POLA1: variants seen among roughly 807,000 people sequenced by gnomAD.
POLA1 encodes DNA polymerase alpha 1, catalytic subunit, also known as DNA polymerase alpha catalytic subunit.
Under a neutral mutation model 124.0 loss-of-function variants are expected in POLA1, and 15 were observed. That is an observed-to-expected ratio of 0.12 (90% confidence interval 0.08 to 0.19). POLA1 has a LOEUF of 0.19. POLA1 is among the 10% of genes least tolerant of loss of function. POLA1 has a pLI of 1.00. For synonymous variants in POLA1, 408 were observed against 389.4 expected (o/e 1.05, Z -0.56); for missense variants, 886 against 1,103.4 (o/e 0.80, Z 2.79).
At chrX:24,861,226 C>CA (rs1390383693) in intron 34 of POLA1, among the ~76,000 whole-genome samples, 1 of 112,162 alleles carries the variant, frequency 8.9e-6, no homozygotes, top group Non-Finnish European at 1.9e-5. Context: ...TCTGCCTCCC[C>CA]AGCTCAAGCG....
At chrX:24,788,877 C>G in intron 26 of POLA1, 1 of 1,200,970 alleles carries the variant, frequency 8.3e-7, no homozygotes, top group Non-Finnish European at 1.1e-6. Context: ...CTGGCCTTTT[C>G]CTTTTCGTAA....
intron 35 of POLA1, among the ~76,000 whole-genome samples, chrX:24,922,819 C>T (rs1406533680): frequency 2.7e-5 from 3 of 111,997 alleles, no homozygotes; most frequent in Admixed American, 9.5e-5. Context: ...CATCAATAAA[C>T]ATTTCTAGAC....
At chrX:24,788,111 AT>A (rs1266515769) in intron 26 of POLA1, among the ~76,000 whole-genome samples, 3 of 112,314 alleles carry the variant, frequency 2.7e-5, no homozygotes, top group Non-Finnish European at 5.6e-5. Context: ...AAAGATAAAA[AT>A]CATATGATAA....
chrX:24,796,006 A>C (rs2045599250), intron 26 of POLA1, among the ~76,000 whole-genome samples: 1 of 111,785 alleles, frequency 8.9e-6, no homozygotes, highest in Non-Finnish European at 1.9e-5. Context: ...TTATTGAATA[A>C]GTATAAATGG....
In POLA1 at chrX:24,922,128, T is replaced by C. The variant is rs1026931047; in HGVS notation, c.4165-8325T>C. 1.5e-4 allele frequency among the ~76,000 whole-genome samples: 17 copies of C among 110,991 alleles called. No homozygotes were observed. In the East Asian group the frequency reaches 2.2e-3, roughly 15 times the overall value. ...TGTTTGTGTCACCCACATTGGAGTA[T>C]AGTGGCGTGAACATAGCTCACTGCA... On this transcript the variant is annotated intron_variant, in intron 35 of 36. Transcript: ENST00000379068.
At chrX:24,885,644 C>T (rs762481166) in intron 34 of POLA1, among the ~76,000 whole-genome samples, 1 of 111,172 alleles carries the variant, frequency 9.0e-6, no homozygotes, top group Non-Finnish European at 1.9e-5. Flanking sequence ...AAGCAGTCAG[C>T]CTCCCGAGTA....
intron 26 of POLA1, among the ~76,000 whole-genome samples, chrX:24,762,385 G>T (rs1932812455): frequency 8.9e-6 from 1 of 112,250 alleles, no homozygotes; most frequent in African/African-American, 3.2e-5. Flanking sequence ...AAGAAAATAA[G>T]TGCTAAGAAA....
intron 2 of POLA1, among the ~76,000 whole-genome samples, chrX:24,702,826 A>G (rs180924668): frequency 7.1e-5 from 8 of 112,509 alleles, no homozygotes; most frequent in Admixed American, 4.7e-4. Flanking sequence ...ATTATCGTCT[A>G]TTTGCAGAGC....
At chrX:24,928,076 A>T (rs762634065) in intron 35 of POLA1, among the ~76,000 whole-genome samples, 1 of 112,347 alleles carries the variant, frequency 8.9e-6, no homozygotes, top group Non-Finnish European at 1.9e-5. Context: ...AAAATGTAAT[A>T]GGGCCTTTTG....
At chrX:24,812,509 T>C (rs2045920516) in intron 28 of POLA1, 149 bp from the exon 29 acceptor site, 2 of 436,412 alleles carry the variant, frequency 4.6e-6, no homozygotes, top group South Asian at 7.2e-5. Flanking sequence ...ATACCCAATG[T>C]AATATCATGT....
chrX:24,711,923 A>G (rs1388479893), intron 4 of POLA1, among the ~76,000 whole-genome samples: 2 of 111,948 alleles, frequency 1.8e-5, no homozygotes, highest in African/African-American at 6.5e-5. Context: ...TTTATTAGCT[A>G]TTGCCTATTC....
chrX:24,969,896 C>G (rs1218113642), intron 36 of POLA1, among the ~76,000 whole-genome samples: 1 of 111,700 alleles, frequency 9.0e-6, no homozygotes, highest in Non-Finnish European at 1.9e-5. Context: ...ATTCAGCTCC[C>G]ACTTAAAAGT....
At chrX:24,963,607 T>C (rs1032449180) in intron 36 of POLA1, among the ~76,000 whole-genome samples, 3 of 111,855 alleles carry the variant, frequency 2.7e-5, no homozygotes, top group African/African-American at 9.7e-5. Context: ...TAGTAATGCC[T>C]GTCCTTTAAA....
intron 35 of POLA1, among the ~76,000 whole-genome samples, chrX:24,892,354 G>A (rs758902109): frequency 1.8e-5 from 2 of 111,107 alleles, no homozygotes; most frequent in South Asian, 3.8e-4. Context: ...AAACCTCAGC[G>A]TCACACAATA....
chrX:24,848,495 T>C (rs1383252651), intron 34 of POLA1, among the ~76,000 whole-genome samples: 1 of 111,795 alleles, frequency 8.9e-6, no homozygotes, highest in Non-Finnish European at 1.9e-5. Flanking sequence ...TTTTCATCTT[T>C]GCAAGTTAAA....
At chrX:24,709,995 G>T (rs1335401179) in intron 4 of POLA1, among the ~76,000 whole-genome samples, 1 of 96,769 alleles carries the variant, frequency 1.0e-5, no homozygotes, top group East Asian at 3.3e-4. Context: ...GGTGGCGGCC[G>T]GGCAGAGGCT....
intron 16 of POLA1, among the ~76,000 whole-genome samples, chrX:24,733,292 T>C (rs11573349): frequency 0.058 from 6,543 of 111,970 alleles, 345 homozygotes; most frequent in African/African-American, 0.17. Flanking sequence ...CAATCATGAG[T>C]TCATTTCAAC....
intron 34 of POLA1, among the ~76,000 whole-genome samples, chrX:24,875,955 T>C (rs2046925133): frequency 1.8e-5 from 2 of 112,090 alleles, no homozygotes; most frequent in Admixed American, 9.5e-5. Flanking sequence ...TATGACAGAA[T>C]TTGTGCCTCT....
At chrX:24,840,871 C>G (rs2046400253) in intron 32 of POLA1, among the ~76,000 whole-genome samples, 1 of 111,835 alleles carries the variant, frequency 8.9e-6, no homozygotes, top group African/African-American at 3.2e-5. Context: ...TAAATTTTGG[C>G]ACACATGTTT....
Sources: allele counts gnomAD v4.1 joint callset (sites outside exome capture counted in the v4.1 genomes callset), GRCh38; gene constraint gnomAD v4.1.1; transcripts MANE v1.5; gene names NCBI Gene and HGNC (gene_info 2026-07-23, HGNC 2026-07-21).